The following CPXM2 variants were observed in gnomAD, a reference collection of about 807,000 sequenced individuals.
CPXM2 encodes the protein carboxypeptidase X, M14 family member 2.
A neutral mutation model predicts 86.1 loss-of-function variants in CPXM2; 66 were observed. The ratio of observed to expected loss-of-function variants is 0.77; its 90% CI spans 0.63 to 0.94. The LOEUF (loss-of-function observed/expected upper bound fraction) is 0.94. CPXM2 is among the 40% of genes least tolerant of loss of function. The pLI is 0.00. For missense variants in CPXM2, 948 were observed against 1,026.3 expected, an observed-to-expected ratio of 0.92 and a Z score of 1.04; for synonymous variants, 388 against 400.2, an observed-to-expected ratio of 0.97 and a Z score of 0.36.
intron 13 of CPXM2, among the ~76,000 whole-genome samples, chr10:123,748,431 C>T (rs774981602): frequency 3.4e-4 from 52 of 152,130 alleles, no homozygotes; most frequent in Admixed American, 5.9e-4. Context: ...TATAACACTT[C>T]GAAGCATCAT....
In CPXM2 at chr10:123,854,451, A is replaced by AAT. The variant is rs569726223; in HGVS notation, c.513+8161_513+8162dup. Among the ~76,000 whole-genome samples, 436 of 130,828 alleles carry AAT rather than the reference A, an allele frequency of 3.3e-3. 2 individuals carry two copies. The highest frequency in any genetic ancestry group is 0.012 in the African/African-American group (400 of 34,038). The allele number at this position is 130,828 out of a possible 152,430, so 85.8% of individuals were successfully genotyped here. On this transcript the variant is annotated intron_variant, in intron 3 of 13. Coordinates refer to ENST00000241305, the MANE Select transcript of CPXM2 (RefSeq NM_198148.3). ...ATATATATAATATACTTTTATATAT[A>AAT]ATATATATAATATATATTTTATATA...
Position 123,768,693 on chromosome 10 carries a change from C to CCCCCGCGATGTAGTGGAA in CPXM2, c.1114_1131dup (p.Phe372_Gly377dup), listed in dbSNP as rs756569879. On this transcript the variant is annotated inframe_insertion, in exon 9 of 14. Coordinates refer to ENST00000241305, the MANE Select transcript of CPXM2 (RefSeq NM_198148.3). ...CGGCCCAGCACCTCATTGCCGTGGG[C>CCCCCGCGATGTAGTGGAA]CCCCGCGATGTAGTGGAACTCGGGC... is the stretch of plus-strand genomic sequence containing the variant. 6.2e-7 allele frequency: 1 copy of CCCCCGCGATGTAGTGGAA among 1,610,944 alleles called. No homozygotes were observed. Among genetic ancestry groups the CCCCCGCGATGTAGTGGAA allele is most frequent in the South Asian group, 1.1e-5 (1 of 91,068 alleles).
intron 2 of CPXM2, among the ~76,000 whole-genome samples, chr10:123,912,304 T>A (rs1271271150): frequency 6.7e-4 from 1 of 1,492 alleles, no homozygotes; most frequent in Non-Finnish European, 1.2e-3. Context: ...GTGCAGATGG[T>A]GGGCGGGGGG....
At chr10:123,765,542 C>T (rs1846450820) in intron 10 of CPXM2, among the ~76,000 whole-genome samples, 1 of 152,124 alleles carries the variant, frequency 6.6e-6, no homozygotes, top group South Asian at 2.1e-4. Context: ...CTCAACTTTG[C>T]CAGGTGTCAT....
At chr10:123,926,598 C>T (rs762604176) in intron 2 of CPXM2, among the ~76,000 whole-genome samples, 6 of 152,222 alleles carry the variant, frequency 3.9e-5, no homozygotes, top group Non-Finnish European at 8.8e-5. Flanking sequence ...CCACGCAAAA[C>T]GGTTTAGCTT....
chr10:123,863,232 C>G (rs888470969), intron 2 of CPXM2, among the ~76,000 whole-genome samples: 4 of 152,208 alleles, frequency 2.6e-5, no homozygotes, highest in African/African-American at 7.2e-5. Flanking sequence ...CAGCCTAGCC[C>G]ATTGTCCGTA....
chr10:123,775,954 T>A (rs1846776305), intron 7 of CPXM2, among the ~76,000 whole-genome samples: 1 of 152,258 alleles, frequency 6.6e-6, no homozygotes, highest in Non-Finnish European at 1.5e-5. Flanking sequence ...AATACATTTC[T>A]TCTTGAAAGG....
Position 123,880,283 on chromosome 10 carries a change from T to C in CPXM2, c.331A>G (p.Arg111Gly). The change falls in exon 2 of 14, where the codon AGA (arginine) becomes GGA (glycine). Residue 111 changes from arginine (R) to glycine (G), a missense_variant. Arg to Gly is a moderately radical substitution (Grantham distance 125). Transcript: ENST00000241305. ...GCAGCCTTCTCAGAGCTCTTGGTTC[T>C]CATAACTTTTTTGTTGCTGTGTTTA... ...PGKHSNKKVM[R>G]TKSSEKAAND... 6.3e-7 allele frequency: 1 copy of C among 1,588,282 alleles called. No homozygotes were observed. The highest frequency in any genetic ancestry group is 8.6e-7 in the Non-Finnish European group (1 of 1,156,478).
intron 2 of CPXM2, among the ~76,000 whole-genome samples, chr10:123,929,506 G>T (rs749310204): frequency 2.6e-5 from 4 of 152,194 alleles, no homozygotes; most frequent in Non-Finnish European, 5.9e-5. Flanking sequence ...TACAAACAAG[G>T]CTAGGAGGAG....
chr10:123,829,925 G>A lies in CPXM2; in HGVS notation c.653+12424C>T, dbSNP rs565829044. On this transcript the variant is annotated intron_variant, in intron 4 of 13. Transcript: ENST00000241305. ...GAAAAAATATGGATCACATAATAAT[G>A]TTGGGATTTCCTGGAAGCCATTTGA... Among the ~76,000 whole-genome samples, 16 of 144,132 alleles carry A rather than the reference G, an allele frequency of 1.1e-4. No individual in the cohort carries two copies. The South Asian group carries it at 3.5e-3, about 32-fold the overall frequency. 94.6% of individuals were successfully genotyped at this position (144,132 alleles called of 152,430 possible).
At chr10:123,918,709 C>T (rs1945555181) in intron 2 of CPXM2, among the ~76,000 whole-genome samples, 1 of 152,256 alleles carries the variant, frequency 6.6e-6, no homozygotes, top group East Asian at 1.9e-4. Flanking sequence ...CCAAGGCAAT[C>T]CCCAGTCATG....
chr10:123,937,903 A>G (rs182523127), intron 2 of CPXM2, among the ~76,000 whole-genome samples: 33 of 152,278 alleles, frequency 2.2e-4, no homozygotes, highest in South Asian at 8.3e-4. Flanking sequence ...GTGGAAGTGC[A>G]AGAAACCCCA....
chr10:123,900,965 T>C (rs1367239858), intron 2 of CPXM2, among the ~76,000 whole-genome samples: 2 of 152,228 alleles, frequency 1.3e-5, no homozygotes, highest in Non-Finnish European at 2.9e-5. Flanking sequence ...CCCACACTAA[T>C]TATCTGGTAA....
At chr10:123,892,250 G>A (rs578045745), upstream of CPXM2, among the ~76,000 whole-genome samples, 4 of 152,154 alleles carry the variant, frequency 2.6e-5, no homozygotes, top group African/African-American at 9.7e-5. Context: ...TCAGGAACTG[G>A]GAATGAGGAA....
rs757825160 is a variant in CPXM2, at chr10:123,891,344, A to G, written c.304+12T>C. 2 of 1,516,924 alleles carry G rather than the reference A, an allele frequency of 1.3e-6. No homozygotes were observed. Among genetic ancestry groups the G allele is most frequent in the Middle Eastern group, 1.7e-4 (1 of 5,726 alleles). 94.0% of individuals were successfully genotyped at this position (1,516,924 alleles called of 1,614,324 possible). A position where few individuals can be genotyped will look rare whatever the true frequency, so the allele number is the denominator to read the frequency against. ...CGCCCCCTCGGGCTGCCCAGCGCAG[A>G]AAGTTCCTTACCTGGTGGAGGCGGC... On this transcript the variant is annotated intron_variant, in intron 1 of 13. Coordinates refer to ENST00000241305, the MANE Select transcript of CPXM2 (RefSeq NM_198148.3). This position sits in a 1 kb window ranked among gnomAD's most constrained non-coding sequence, Gnocchi z 5.6.
At chr10:123,805,624 C>A (rs982619474) in intron 4 of CPXM2, among the ~76,000 whole-genome samples, 1 of 152,038 alleles carries the variant, frequency 6.6e-6, no homozygotes, top group Non-Finnish European at 1.5e-5. Context: ...AGTATATGGT[C>A]AACTTTGGCA....
intron 4 of CPXM2, among the ~76,000 whole-genome samples, chr10:123,841,303 G>A (rs892812660): frequency 6.6e-6 from 1 of 152,158 alleles, no homozygotes; most frequent in African/African-American, 2.4e-5. Flanking sequence ...AACCAGCCCT[G>A]AGCCGCCGCG....
At chr10:123,856,870 G>T (rs933204854) in intron 3 of CPXM2, among the ~76,000 whole-genome samples, 1 of 152,216 alleles carries the variant, frequency 6.6e-6, no homozygotes, top group African/African-American at 2.4e-5. Context: ...GGGGTTACAG[G>T]CATGAGCCAC....
intron 3 of CPXM2, among the ~76,000 whole-genome samples, chr10:123,853,918 A>C (rs540787830): frequency 6.6e-6 from 1 of 152,062 alleles, no homozygotes; most frequent in Non-Finnish European, 1.5e-5. Context: ...AAAAGAAAGA[A>C]AGAAAGAAAG....
Sources: allele counts gnomAD v4.1 joint callset (sites outside exome capture counted in the v4.1 genomes callset), GRCh38; gene constraint gnomAD v4.1.1; non-coding constraint Gnocchi (gnomAD v3.1); transcripts MANE v1.5; gene names NCBI Gene and HGNC (gene_info 2026-07-23, HGNC 2026-07-21).